ZNF385D: variants seen among roughly 807,000 people sequenced by gnomAD.
ZNF385D encodes zinc finger protein 659.
In ZNF385D, 15 loss-of-function variants were observed where a neutral mutation model predicts 35.8. The ratio of observed to expected loss-of-function variants is 0.42; its 90% CI spans 0.28 to 0.64. The LOEUF is 0.64. Ranked by LOEUF, ZNF385D falls within the 30% of genes least tolerant of loss-of-function variation. The pLI is 0.23. For synonymous variants in ZNF385D, 212 were observed against 186.8 expected, an observed-to-expected ratio of 1.13 and a Z score of -1.10; for missense variants, 474 against 494.6, an observed-to-expected ratio of 0.96 and a Z score of 0.39.
rs148136551 is a variant in ZNF385D at position 22,049,297 on chromosome 3, AAAAATAAAAT to A, written c.325+119510_325+119519del. ...GGAAACAAGAGCGAAACTCAATCTC[AAAAATAAAAT>A]AAAATAAAATAAAATAAAATAAAAT... On this transcript the variant is annotated intron_variant, in intron 3 of 5. Transcript: ENST00000494108. Among the ~76,000 whole-genome samples the A allele has an allele frequency of 1.0e-3, 147 of 141,554 alleles. 1 individual carries two copies. Among genetic ancestry groups the A allele is most frequent in the Admixed American group, 2.7e-3 (37 of 13,782 alleles). The allele number at this position is 141,554 out of a possible 152,430, so 92.9% of individuals were successfully genotyped here. A position where few individuals can be genotyped will look rare whatever the true frequency, so the allele number is the denominator to read the frequency against.
chr3:22,282,058 C>G (rs6774774), intron 2 of ZNF385D, among the ~76,000 whole-genome samples: 6 of 151,740 alleles, frequency 4.0e-5, no homozygotes, highest in Admixed American at 6.6e-5. Context: ...TAGCCTTGGA[C>G]GATCCCTTGT....
rs193090174 is a variant in ZNF385D, at chr3:22,139,911, T to A, written c.325+28906A>T. Among the ~76,000 whole-genome samples the A allele has an allele frequency of 4.3e-4, 65 of 152,216 alleles. 1 individual carries two copies. In the South Asian group the frequency reaches 0.013, roughly 30 times the overall value. On this transcript the variant is annotated intron_variant, in intron 3 of 5. Transcript: ENST00000494108. Reference sequence around the variant, plus strand: ...AAAAGATAGTGAAATATATCTACACTCCCATTAAAATGGCTAAAATGAAAA... The same window carrying A: ...AAAAGATAGTGAAATATATCTACACACCCATTAAAATGGCTAAAATGAAAA...
chr3:21,778,177 C>A (rs914966049), intron 3 of ZNF385D, among the ~76,000 whole-genome samples: 1 of 151,852 alleles, frequency 6.6e-6, no homozygotes, highest in Non-Finnish European at 1.5e-5. Context: ...CCAATCAGTG[C>A]CCCTCATTTA....
At chr3:22,365,106 G>C (rs577140899) in intron 2 of ZNF385D, among the ~76,000 whole-genome samples, 168 of 152,086 alleles carry the variant, frequency 1.1e-3, no homozygotes, top group Non-Finnish European at 2.1e-3. Flanking sequence ...GAAGAATGGG[G>C]AACAACTGTT....
chr3:22,023,255 G>C (rs938965166), intron 3 of ZNF385D, among the ~76,000 whole-genome samples: 1 of 152,174 alleles, frequency 6.6e-6, no homozygotes, highest in Non-Finnish European at 1.5e-5. Context: ...TGGCAACTGA[G>C]TCTGGGCAGG....
intron 3 of ZNF385D, among the ~76,000 whole-genome samples, chr3:22,074,667 T>G (rs1700381004): frequency 6.6e-6 from 1 of 151,928 alleles, no homozygotes; most frequent in South Asian, 2.1e-4. Context: ...ATTTTTATGC[T>G]CCCATTCTCC....
At chr3:22,274,808 T>C (rs1227903907) in intron 2 of ZNF385D, among the ~76,000 whole-genome samples, 1 of 151,514 alleles carries the variant, frequency 6.6e-6, no homozygotes, top group Non-Finnish European at 1.5e-5. Flanking sequence ...TTAAAAGTCT[T>C]CTTATTTTTT....
At chr3:22,180,196 T>C (rs1200616749) in intron 2 of ZNF385D, among the ~76,000 whole-genome samples, 1 of 152,180 alleles carries the variant, frequency 6.6e-6, no homozygotes, top group Non-Finnish European at 1.5e-5. Flanking sequence ...AAGAAATGGA[T>C]AAATTCCTCG....
At chr3:21,525,305 C>G (rs1169520882) in intron 3 of ZNF385D, among the ~76,000 whole-genome samples, 1 of 152,046 alleles carries the variant, frequency 6.6e-6, no homozygotes, top group African/African-American at 2.4e-5. Flanking sequence ...AAATGCCAAA[C>G]AGAGACTGCA....
chr3:22,127,317 CTTTTTTTTTT>C (rs71044975), intron 3 of ZNF385D, among the ~76,000 whole-genome samples: 2 of 56,326 alleles, frequency 3.6e-5, no homozygotes, highest in East Asian at 4.2e-4. Flanking sequence ...TCATTTCCTG[CTTTTTTTTTT>C]TTTTTTTTTT....
chr3:21,866,690 G>C (rs1369651260), intron 3 of ZNF385D, among the ~76,000 whole-genome samples: 1 of 152,174 alleles, frequency 6.6e-6, no homozygotes, highest in Non-Finnish European at 1.5e-5. Context: ...CACTGCTATA[G>C]AGTAACTTGT....
At chr3:22,363,372 T>C (rs1388045878) in intron 2 of ZNF385D, among the ~76,000 whole-genome samples, 2 of 152,122 alleles carry the variant, frequency 1.3e-5, no homozygotes, top group Non-Finnish European at 2.9e-5. Context: ...GAAAAATGGA[T>C]AGGGCATTGT....
At chr3:21,681,729 A>G (rs2125315113) in intron 1 of ZNF385D, among the ~76,000 whole-genome samples, 1 of 152,102 alleles carries the variant, frequency 6.6e-6, no homozygotes, top group East Asian at 1.9e-4. Flanking sequence ...AAAGGAAATA[A>G]AACAATCAAC....
At chr3:22,028,625 C>A (rs1274040848) in intron 3 of ZNF385D, among the ~76,000 whole-genome samples, 1 of 152,198 alleles carries the variant, frequency 6.6e-6, no homozygotes, top group African/African-American at 2.4e-5. Flanking sequence ...CTATCCTGCA[C>A]ACAATGCTTC....
At chr3:21,450,638 A>G (rs1303937652) in intron 4 of ZNF385D, among the ~76,000 whole-genome samples, 1 of 152,184 alleles carries the variant, frequency 6.6e-6, no homozygotes, top group Non-Finnish European at 1.5e-5. Context: ...TTATAAAAAT[A>G]CAATGCTTTT....
chr3:21,648,457 T>C (rs139289180), intron 2 of ZNF385D, among the ~76,000 whole-genome samples: 4 of 152,250 alleles, frequency 2.6e-5, no homozygotes, highest in African/African-American at 9.6e-5. Flanking sequence ...ACCGGCTGTA[T>C]AGAGTGCTAG....
rs186833687 is a variant in ZNF385D at position 22,081,424 on chromosome 3, C to T, written c.325+87393G>A. Among the ~76,000 whole-genome samples the T allele has an allele frequency of 1.6e-3, 241 of 152,270 alleles. 2 individuals are homozygous for T. Among genetic ancestry groups the T allele is most frequent in the Admixed American group, 0.015 (231 of 15,292 alleles). ...TAATTTGTAAGTTTATAGTGAAACA[C>T]ACATATACTGTAAGCAAGTTTTTAG... On this transcript the variant is annotated intron_variant, in intron 3 of 5. Coordinates refer to the ZNF385D transcript ENST00000494108.
chr3:22,140,392 G>T (rs998607026), intron 3 of ZNF385D, among the ~76,000 whole-genome samples: 2 of 152,150 alleles, frequency 1.3e-5, no homozygotes, highest in African/African-American at 2.4e-5. Context: ...TAGCAATGGG[G>T]AACAGGCCGA....
intron 4 of ZNF385D, among the ~76,000 whole-genome samples, chr3:21,474,247 G>C (rs964599631): frequency 4.5e-4 from 68 of 152,150 alleles, no homozygotes; most frequent in Non-Finnish European, 4.1e-4. Context: ...TCTATCCACA[G>C]TGGCAGGAGA....
Sources: allele counts gnomAD v4.1 joint callset (sites outside exome capture counted in the v4.1 genomes callset), GRCh38; gene constraint gnomAD v4.1.1; transcripts MANE v1.5; gene names NCBI Gene and HGNC (gene_info 2026-07-23, HGNC 2026-07-21).